The following CFAP299 variants were observed in gnomAD, a reference collection of about 807,000 sequenced individuals.
CFAP299 encodes cilia and flagella associated protein 299.
Under a neutral mutation model 27.0 loss-of-function variants are expected in CFAP299, and 21 were observed. The ratio of observed to expected loss-of-function variants is 0.78; its 90% CI spans 0.55 to 1.12. CFAP299 has a LOEUF of 1.12. CFAP299 is among the 50% of genes most tolerant of loss of function. The probability of loss-of-function intolerance (pLI) is 0.00; values close to 1 mark genes in which losing one functional copy is unlikely to be tolerated. For missense variants in CFAP299, 310 were observed against 276.6 expected (o/e 1.12, Z -0.86); for synonymous variants, 104 against 98.1 (o/e 1.06, Z -0.36).
intron 3 of CFAP299, among the ~76,000 whole-genome samples, chr4:80,817,357 TTA>T (rs1199430458): frequency 1.2e-4 from 18 of 152,072 alleles, no homozygotes; most frequent in African/African-American, 3.4e-4. Context: ...AGTTTGTATT[TTA>T]TGTTGTATTA....
At chr4:80,812,913 T>A (rs1729228212) in intron 3 of CFAP299, among the ~76,000 whole-genome samples, 2 of 152,136 alleles carry the variant, frequency 1.3e-5, no homozygotes. Context: ...GGCACATTCA[T>A]TGACATCTAT....
rs113215644 is a variant in CFAP299, at chr4:80,936,389, G to A, written c.477-8421G>A. ...AGCAAAGACATGCAATTACCTAAACGCCCATCAATAGTAAACAAGATAAAG... is the reference window on the plus strand; with the variant it reads ...AGCAAAGACATGCAATTACCTAAACACCCATCAATAGTAAACAAGATAAAG... On this transcript the variant is annotated intron_variant, in intron 4 of 5. Transcript: ENST00000358105. 2.6e-5 allele frequency among the ~76,000 whole-genome samples: 4 copies of A among 152,048 alleles called. 1 individual carries two copies. The highest frequency in any genetic ancestry group is 4.8e-5 in the African/African-American group (2 of 41,508).
At chr4:80,573,586 A>C (rs962713372) in intron 2 of CFAP299, among the ~76,000 whole-genome samples, 2 of 152,078 alleles carry the variant, frequency 1.3e-5, no homozygotes, top group Non-Finnish European at 2.9e-5. Context: ...TAGTAGTTTC[A>C]CAGTTTGAGG....
At chr4:80,737,916 G>C (rs187873644) in intron 3 of CFAP299, among the ~76,000 whole-genome samples, 1 of 152,048 alleles carries the variant, frequency 6.6e-6, no homozygotes. Flanking sequence ...AGAGATTTTG[G>C]TATGTTGAGT....
intron 3 of CFAP299, among the ~76,000 whole-genome samples, chr4:80,702,915 A>G (rs1346803673): frequency 6.6e-6 from 1 of 151,828 alleles, no homozygotes; most frequent in Non-Finnish European, 1.5e-5. Flanking sequence ...CTTTCTGGAA[A>G]GATATCATGG....
rs1490706942 is a variant in CFAP299 at position 80,776,725 on chromosome 4, A to G, written c.334-93268A>G. Among the ~76,000 whole-genome samples the G allele has an allele frequency of 3.9e-5, 6 of 152,120 alleles. No homozygotes were observed. In the East Asian group the frequency reaches 1.2e-3, roughly 29 times the overall value. On this transcript the variant is annotated intron_variant, in intron 3 of 5. Coordinates refer to ENST00000358105, the MANE Select transcript of CFAP299 (RefSeq NM_152770.3). ...TATGTAACAAACCTGCATGTTCTGC[A>G]CATGTATCCCGGAACTTAAAGTAAA... is the stretch of plus-strand genomic sequence containing the variant.
At chr4:80,400,566 T>C (rs1178782468) in intron 2 of CFAP299, among the ~76,000 whole-genome samples, 1 of 152,158 alleles carries the variant, frequency 6.6e-6, no homozygotes, top group African/African-American at 2.4e-5. Context: ...GCTACCGCCA[T>C]GTAAGAAGTG....
At chr4:80,820,144 G>A (rs190134999) in intron 3 of CFAP299, among the ~76,000 whole-genome samples, 1 of 152,014 alleles carries the variant, frequency 6.6e-6, no homozygotes, top group Non-Finnish European at 1.5e-5. Context: ...AATATAGACA[G>A]GTATGTAAGT....
At chr4:80,432,240 CT>C (rs2110079304) in intron 2 of CFAP299, among the ~76,000 whole-genome samples, 1 of 152,202 alleles carries the variant, frequency 6.6e-6, no homozygotes, top group Non-Finnish European at 1.5e-5. Context: ...CAACCTCCCC[CT>C]CCAGGGTTCA....
intron 3 of CFAP299, among the ~76,000 whole-genome samples, chr4:80,850,571 T>G (rs1481941660): frequency 2.0e-5 from 3 of 151,994 alleles, no homozygotes; most frequent in Non-Finnish European, 4.4e-5. Context: ...ATTAAATACC[T>G]TACACAAAAG....
intron 4 of CFAP299, among the ~76,000 whole-genome samples, chr4:80,905,701 A>G (rs1735148563): frequency 6.6e-6 from 1 of 152,174 alleles, no homozygotes; most frequent in African/African-American, 2.4e-5. Flanking sequence ...TGGCAGCAGT[A>G]AGAAGAAGTG....
At chr4:80,477,970 G>A (rs1730363144) in intron 2 of CFAP299, among the ~76,000 whole-genome samples, 1 of 152,126 alleles carries the variant, frequency 6.6e-6, no homozygotes, top group Non-Finnish European at 1.5e-5. Context: ...TCACTAACCA[G>A]TATGGACCTT....
At chr4:80,796,408 A>G (rs772352283) in intron 3 of CFAP299, among the ~76,000 whole-genome samples, 2 of 152,184 alleles carry the variant, frequency 1.3e-5, no homozygotes, top group African/African-American at 2.4e-5. Flanking sequence ...AATGTAATGG[A>G]CCAGTGTGAT....
intron 3 of CFAP299, among the ~76,000 whole-genome samples, chr4:80,590,545 G>A (rs1221311343): frequency 6.6e-6 from 1 of 152,126 alleles, no homozygotes; most frequent in Non-Finnish European, 1.5e-5. Flanking sequence ...GCTGAGGCAG[G>A]AGAATTGTTT....
chr4:80,727,819 T>C (rs1375646121), intron 3 of CFAP299, among the ~76,000 whole-genome samples: 1 of 151,856 alleles, frequency 6.6e-6, no homozygotes, highest in Non-Finnish European at 1.5e-5. Flanking sequence ...ACAAGCAAAA[T>C]ATTTTCCAGG....
intron 4 of CFAP299, among the ~76,000 whole-genome samples, chr4:80,921,044 T>G (rs1288356412): frequency 6.6e-6 from 1 of 152,058 alleles, no homozygotes; most frequent in African/African-American, 2.4e-5. Context: ...TTTGTAGCGT[T>G]TCCCACACAT....
At chr4:80,792,331 T>C (rs1181829261) in intron 3 of CFAP299, among the ~76,000 whole-genome samples, 1 of 152,086 alleles carries the variant, frequency 6.6e-6, no homozygotes, top group African/African-American at 2.4e-5. Context: ...ATAAGTATTT[T>C]GAACTTTCTG....
intron 3 of CFAP299, among the ~76,000 whole-genome samples, chr4:80,660,555 C>T (rs1740792069): frequency 6.6e-6 from 1 of 152,058 alleles, no homozygotes; most frequent in Non-Finnish European, 1.5e-5. Context: ...CTTACATTTG[C>T]TTTAACAAAA....
chr4:80,932,581 A>G (rs537700141), intron 4 of CFAP299, among the ~76,000 whole-genome samples: 47 of 152,324 alleles, frequency 3.1e-4, no homozygotes, highest in African/African-American at 1.1e-3. Context: ...CATAAATGCA[A>G]TTCCACGTAA....
Sources: gnomAD v4.1 joint callset for allele counts (sites outside exome capture counted in the v4.1 genomes callset) on GRCh38, gnomAD v4.1.1 for gene constraint, MANE v1.5 for transcripts, NCBI Gene and HGNC (gene_info 2026-07-23, HGNC 2026-07-21) for gene names.